Variants in XDH observed in about 807,000 individuals in gnomAD.
The protein encoded by XDH is xanthine dehydrogenase, also known as xanthine dehydrogenase/oxidase.
Under a neutral mutation model 156.1 loss-of-function variants are expected in XDH, and 138 were observed. The observed-to-expected ratio is 0.88, with a 90% confidence interval of 0.77 to 1.02. XDH has a LOEUF of 1.02. Among genes scored for constraint, XDH ranks in the 50% least tolerant of loss-of-function variants. The pLI, the probability that XDH is intolerant of heterozygous loss-of-function variation, is 0.00. For missense variants in XDH, 1,849 were observed against 1,684.9 expected (o/e 1.10, Z -1.71); for synonymous variants, 669 against 625.7 (o/e 1.07, Z -1.03).
intron 15 of XDH, among the ~76,000 whole-genome samples, 162 bp downstream of exon 15, chr2:31,375,218 C>A (rs1401672752): frequency 1.3e-5 from 2 of 151,878 alleles, no homozygotes; most frequent in Non-Finnish European, 2.9e-5. Flanking sequence ...GCCTCTAAGC[C>A]AGCTGGTCAC....
intron 24 of XDH, among the ~76,000 whole-genome samples, chr2:31,354,829 C>A (rs991994186): frequency 6.6e-6 from 1 of 151,966 alleles, no homozygotes; most frequent in Non-Finnish European, 1.5e-5. Context: ...CATTGGAGAT[C>A]TGGAAGAAAA....
chr2:31,340,590 C>G (rs1685100002), intron 33 of XDH, among the ~76,000 whole-genome samples: 1 of 152,116 alleles, frequency 6.6e-6, no homozygotes, highest in South Asian at 2.1e-4. Flanking sequence ...CTACCTCAGC[C>G]TCCTGAGTAG....
chr2:31,393,800 C>CT (rs34575198), intron 6 of XDH, among the ~76,000 whole-genome samples: 86,206 of 140,344 alleles, frequency 0.61, 26,675 homozygotes, highest in African/African-American at 0.7. Context: ...TTCCTTTTTT[C>CT]TTTTTTTTTT....
intron 6 of XDH, among the ~76,000 whole-genome samples, chr2:31,397,169 T>A (rs927204310): frequency 6.6e-6 from 1 of 152,230 alleles, no homozygotes; most frequent in Non-Finnish European, 1.5e-5. Flanking sequence ...CTCAGAGTTA[T>A]ATGAACATTG....
intron 15 of XDH, among the ~76,000 whole-genome samples, 181 bp from the exon 16 acceptor site, chr2:31,374,137 A>G (rs1308078032): frequency 6.6e-6 from 1 of 152,212 alleles, no homozygotes; most frequent in Non-Finnish European, 1.5e-5. Flanking sequence ...TCAGAATTTA[A>G]GAGCAGCCTC....
intron 17 of XDH, among the ~76,000 whole-genome samples, chr2:31,371,361 G>A (rs1269281035): frequency 1.3e-5 from 2 of 152,240 alleles, no homozygotes; most frequent in African/African-American, 4.8e-5. Context: ...AAGGAAGTTA[G>A]GTAGTTTTTC....
At chr2:31,338,918 T>G (rs113716193) in intron 34 of XDH, among the ~76,000 whole-genome samples, 1 of 151,324 alleles carries the variant, frequency 6.6e-6, no homozygotes, top group Admixed American at 6.6e-5. Context: ...AGAGATGGGG[T>G]TTTGCCATGT....
chr2:31,387,496 T>A (rs1294255193), intron 8 of XDH, among the ~76,000 whole-genome samples: 1 of 152,110 alleles, frequency 6.6e-6, no homozygotes, highest in African/African-American at 2.4e-5. Context: ...CAACAAATGG[T>A]TATAGTGAAC....
intron 6 of XDH, among the ~76,000 whole-genome samples, chr2:31,397,113 A>T (rs1686931094): frequency 6.6e-6 from 1 of 152,182 alleles, no homozygotes; most frequent in South Asian, 2.1e-4. Flanking sequence ...AGGTGTGTGT[A>T]TGTGTTTATA....
Position 31,343,505 on chromosome 2 carries a change from T to A in XDH, c.3404+1179A>T, listed in dbSNP as rs140687308. ...CATATATATGCCTTATATACTTATATATATGTATATAAAGCATACATATAT... is the reference window on the plus strand; with the variant it reads ...CATATATATGCCTTATATACTTATAAATATGTATATAAAGCATACATATAT... On this transcript the variant is annotated intron_variant, in intron 31 of 35. Transcript: ENST00000379416. Among the ~76,000 whole-genome samples, 499 of 117,982 alleles carry A rather than the reference T, an allele frequency of 4.2e-3. 1 individual carries two copies. Among genetic ancestry groups the A allele is most frequent in the African/African-American group, 0.017 (485 of 27,776 alleles). 77.4% of individuals were successfully genotyped at this position (117,982 alleles called of 152,430 possible). A position where few individuals can be genotyped will look rare whatever the true frequency, so the allele number is the denominator to read the frequency against.
Position 31,380,031 on chromosome 2 carries a change from C to T in XDH, c.1133-55G>A, listed in dbSNP as rs45591938. ...AAGTGAGGGAAAGGCTGGGAACCCCCCATGGGGAGAAAGGATAACCATCAG... is the reference window on the plus strand; with the variant it reads ...AAGTGAGGGAAAGGCTGGGAACCCCTCATGGGGAGAAAGGATAACCATCAG... On this transcript the variant is annotated intron_variant, in intron 12 of 35. Coordinates refer to ENST00000379416, the MANE Select transcript of XDH (RefSeq NM_000379.4). 3,680 of 1,546,336 alleles carry T rather than the reference C, an allele frequency of 2.4e-3. 143 individuals carry two copies. In the East Asian group the frequency reaches 0.068, roughly 28 times the overall value.
chr2:31,386,883 C>A (rs45527541), intron 8 of XDH, among the ~76,000 whole-genome samples: 2,704 of 145,368 alleles, frequency 0.019, 105 homozygotes, highest in African/African-American at 0.066. Flanking sequence ...CCTTGCAGTG[C>A]CCCATAATAT....
chr2:31,385,269 C>A (rs1686555808), intron 9 of XDH, among the ~76,000 whole-genome samples: 1 of 152,216 alleles, frequency 6.6e-6, no homozygotes, highest in African/African-American at 2.4e-5. Context: ...GCTACATGAG[C>A]CATGAGTCCT....
chr2:31,388,766 G>A (rs1025886483), intron 6 of XDH, among the ~76,000 whole-genome samples: 9 of 152,136 alleles, frequency 5.9e-5, no homozygotes, highest in African/African-American at 9.7e-5. Context: ...TGTCCAAGAC[G>A]GGTGCTGAGC....
At chr2:31,394,268 T>A (rs1212619312) in intron 6 of XDH, among the ~76,000 whole-genome samples, 1 of 152,166 alleles carries the variant, frequency 6.6e-6, no homozygotes, top group Non-Finnish European at 1.5e-5. Context: ...TCTCACTCGC[T>A]TTTGAAGGAT....
rs139395337 is a variant in XDH at position 31,406,486 on chromosome 2, A to G, written c.43-522T>C. ...TGAATGGCCTAATACAATGTGCTAAATAGATCATGAAAACTAAGGTATTTT... is the reference window on the plus strand; with the variant it reads ...TGAATGGCCTAATACAATGTGCTAAGTAGATCATGAAAACTAAGGTATTTT... On this transcript the variant is annotated intron_variant, in intron 1 of 35. Transcript: ENST00000379416. 4.2e-3 allele frequency among the ~76,000 whole-genome samples: 639 copies of G among 152,340 alleles called. 4 individuals are homozygous for G. The highest frequency in any genetic ancestry group is 0.014 in the African/African-American group (588 of 41,578).
At chr2:31,352,521 C>T (rs976430397) in intron 24 of XDH, among the ~76,000 whole-genome samples, 1 of 152,134 alleles carries the variant, frequency 6.6e-6, no homozygotes, top group African/African-American at 2.4e-5. Flanking sequence ...ACTTGTATTT[C>T]TGTTTCTTTT....
At chr2:31,382,108 A>G (rs1040101512) in intron 11 of XDH, among the ~76,000 whole-genome samples, 3 of 152,316 alleles carry the variant, frequency 2.0e-5, no homozygotes, top group Non-Finnish European at 4.4e-5. Context: ...AGGTTGAACA[A>G]TTTGCTCTAT....
At chr2:31,409,147 A>G (rs1331078708) in intron 1 of XDH, among the ~76,000 whole-genome samples, 1 of 152,202 alleles carries the variant, frequency 6.6e-6, no homozygotes, top group Non-Finnish European at 1.5e-5. Flanking sequence ...TGGAAAGGGT[A>G]GTAGGGGGTA....
Sources: allele counts gnomAD v4.1 joint callset (sites outside exome capture counted in the v4.1 genomes callset), GRCh38; gene constraint gnomAD v4.1.1; transcripts MANE v1.5; gene names NCBI Gene and HGNC (gene_info 2026-07-23, HGNC 2026-07-21).